Variants in DLG2 observed in about 807,000 individuals in gnomAD.
DLG2 encodes discs large MAGUK scaffold protein 2, also known as disks large homolog 2.
In DLG2, 45 loss-of-function variants were observed where a neutral mutation model predicts 132.5. The observed-to-expected ratio is 0.34, with a 90% confidence interval of 0.27 to 0.44. DLG2 has a LOEUF of 0.44. DLG2 is among the 20% of genes least tolerant of loss of function. The probability of loss-of-function intolerance (pLI) is 1.00; values close to 1 mark genes in which losing one functional copy is unlikely to be tolerated. For missense variants in DLG2, 1,045 were observed against 1,196.9 expected, an observed-to-expected ratio of 0.87 and a Z score of 1.87; for synonymous variants, 424 against 419.6, an observed-to-expected ratio of 1.01 and a Z score of -0.13.
At chr11:83,902,845 C>T (rs2073835208) in intron 15 of DLG2, among the ~76,000 whole-genome samples, 2 of 152,136 alleles carry the variant, frequency 1.3e-5, no homozygotes, top group African/African-American at 4.8e-5. Flanking sequence ...AGTCTTAAAC[C>T]TCTAAATGGA....
At chr11:84,253,246 G>A (rs1171976142) in intron 7 of DLG2, among the ~76,000 whole-genome samples, 1 of 152,108 alleles carries the variant, frequency 6.6e-6, no homozygotes. Flanking sequence ...TGGGCTCAAG[G>A]TTGGTTTAGC....
chr11:84,132,531 C>T (rs1191865406), intron 9 of DLG2, among the ~76,000 whole-genome samples: 1 of 151,928 alleles, frequency 6.6e-6, no homozygotes, highest in Admixed American at 6.6e-5. Flanking sequence ...AAAACTCTGT[C>T]ACTGAATACT....
At chr11:83,754,527 C>G (rs1427178170) in intron 18 of DLG2, among the ~76,000 whole-genome samples, 1 of 151,310 alleles carries the variant, frequency 6.6e-6, no homozygotes, top group Non-Finnish European at 1.5e-5. Context: ...TCATTTGCAT[C>G]AAGAAGGTAG....
chr11:84,365,857 G>A (rs777368395), intron 7 of DLG2, among the ~76,000 whole-genome samples: 6 of 151,904 alleles, frequency 3.9e-5, no homozygotes, highest in Non-Finnish European at 5.9e-5. Context: ...TGAAAGTGAC[G>A]GGGAGAATGG....
chr11:84,259,486 C>A (rs569080732), intron 7 of DLG2, among the ~76,000 whole-genome samples: 1 of 152,030 alleles, frequency 6.6e-6, no homozygotes, highest in Non-Finnish European at 1.5e-5. Flanking sequence ...GACATAAGAC[C>A]GCTGGACTTA....
intron 3 of DLG2, among the ~76,000 whole-genome samples, chr11:85,355,932 C>T (rs1455452964): frequency 1.3e-5 from 2 of 152,168 alleles, no homozygotes; most frequent in African/African-American, 2.4e-5. Flanking sequence ...TACTGATCTA[C>T]CTATCTGCCT....
At chr11:84,141,022 A>G (rs1292102057) in intron 9 of DLG2, among the ~76,000 whole-genome samples, 2 of 152,100 alleles carry the variant, frequency 1.3e-5, no homozygotes, top group Non-Finnish European at 2.9e-5. Flanking sequence ...AACTTATGTA[A>G]CATGCTTATT....
At chr11:83,651,630 A>G (rs73507190) in intron 18 of DLG2, 27,122 of 266,146 alleles carry the variant, frequency 0.1, 4,465 homozygotes, top group African/African-American at 0.42. Flanking sequence ...GAAGAAGAAG[A>G]AAGAAGAGGA....
chr11:84,642,117 A>AGTGTGTGT (rs139383928), intron 6 of DLG2, among the ~76,000 whole-genome samples: 5,799 of 138,764 alleles, frequency 0.042, 185 homozygotes, highest in Non-Finnish European at 0.066. Context: ...GTATATGTAG[A>AGTGTGTGT]GTGTGTGTGT....
chr11:85,150,699 AGT>A (rs71036459), intron 5 of DLG2, among the ~76,000 whole-genome samples: 25,552 of 126,736 alleles, frequency 0.2, 2,515 homozygotes, highest in Middle Eastern at 0.26. Flanking sequence ...AAGGCTACAT[AGT>A]GTGTGTGTGT....
At chr11:84,013,431 G>A (rs2094992086) in intron 11 of DLG2, among the ~76,000 whole-genome samples, 1 of 152,154 alleles carries the variant, frequency 6.6e-6, no homozygotes, top group African/African-American at 2.4e-5. Context: ...GCATCAGTGA[G>A]AAGTGCTATA....
At chr11:83,556,942 G>C (rs662966) in intron 19 of DLG2, among the ~76,000 whole-genome samples, 71,917 of 151,922 alleles carry the variant, frequency 0.47, 17,601 homozygotes, top group Admixed American at 0.57. Flanking sequence ...AAACCAGCAA[G>C]ATCCAGAACT....
chr11:84,469,388 G>T (rs1406005511), intron 7 of DLG2, among the ~76,000 whole-genome samples: 1 of 151,582 alleles, frequency 6.6e-6, no homozygotes, highest in East Asian at 1.9e-4. Context: ...GCACAGGAAA[G>T]CCCAGAGTCT....
intron 17 of DLG2, among the ~76,000 whole-genome samples, chr11:83,824,306 G>A (rs1341756529): frequency 6.6e-6 from 1 of 152,050 alleles, no homozygotes; most frequent in Non-Finnish European, 1.5e-5. Context: ...GTGGTCCCTG[G>A]AACTTACCGT....
chr11:83,533,030 A>C (rs2095796192), intron 20 of DLG2, among the ~76,000 whole-genome samples: 1 of 121,158 alleles, frequency 8.3e-6, no homozygotes, highest in Admixed American at 7.8e-5. Flanking sequence ...AGCAACAGAG[A>C]GGTAGAAAAA....
chr11:85,501,327 C>G (rs150159993), intron 3 of DLG2, among the ~76,000 whole-genome samples: 63 of 152,236 alleles, frequency 4.1e-4, no homozygotes, highest in African/African-American at 1.5e-3. Context: ...TAGAAGAAAA[C>G]CTGTGAAATA....
chr11:84,633,083 A>G (rs1163072267), intron 6 of DLG2, among the ~76,000 whole-genome samples: 1 of 152,202 alleles, frequency 6.6e-6, no homozygotes, highest in Non-Finnish European at 1.5e-5. Flanking sequence ...AATGATGTTT[A>G]TGATCCATGT....
intron 6 of DLG2, among the ~76,000 whole-genome samples, chr11:84,660,941 A>C (rs756615483): frequency 6.6e-6 from 1 of 152,172 alleles, no homozygotes; most frequent in Non-Finnish European, 1.5e-5. Context: ...ACTCAACTTC[A>C]AGTTGTACAT....
chr11:83,467,201 G>T (rs1312931587), intron 25 of DLG2, among the ~76,000 whole-genome samples: 8 of 152,120 alleles, frequency 5.3e-5, no homozygotes, highest in Non-Finnish European at 7.3e-5. Flanking sequence ...TCTGAGGTAG[G>T]TATTATCAGC....
Sources: allele counts gnomAD v4.1 joint callset (sites outside exome capture counted in the v4.1 genomes callset), GRCh38; gene constraint gnomAD v4.1.1; transcripts MANE v1.5; gene names NCBI Gene and HGNC (gene_info 2026-07-23, HGNC 2026-07-21).